Variants in BNC2 observed in about 807,000 individuals in gnomAD.
BNC2 encodes basonuclin zinc finger protein 2.
A neutral mutation model predicts 76.3 loss-of-function variants in BNC2; 20 were observed. The ratio of observed to expected loss-of-function variants is 0.26; its 90% confidence interval spans 0.18 to 0.38. The LOEUF (loss-of-function observed/expected upper bound fraction) is 0.38, where lower values mean the gene tolerates loss of function less well. Among genes scored for constraint, BNC2 ranks in the 10% least tolerant of loss-of-function variants. BNC2 has a pLI of 1.00. For synonymous variants in BNC2, 582 were observed against 514.8 expected, an observed-to-expected ratio of 1.13 and a Z score of -1.77; for missense variants, 1,382 against 1,399.8, an observed-to-expected ratio of 0.99 and a Z score of 0.20.
chr9:16,736,987 G>A lies in BNC2; in HGVS notation c.129+1373C>T, dbSNP rs181993310. Among the ~76,000 whole-genome samples the A allele has an allele frequency of 5.2e-3, 777 of 150,798 alleles. 12 individuals are homozygous for A. Among genetic ancestry groups the A allele is most frequent in the African/African-American group, 0.018 (727 of 41,018 alleles). ...ATGCCCGGCTAATTTTGTATTTTTA[G>A]TAGAGACAGGGTTTCTCCATGTTGG... On this transcript the variant is annotated intron_variant, in intron 2 of 6. Coordinates refer to ENST00000380672, the MANE Select transcript of BNC2 (RefSeq NM_017637.6).
At chr9:16,748,606 G>A (rs957003474) in intron 1 of BNC2, among the ~76,000 whole-genome samples, 3 of 152,014 alleles carry the variant, frequency 2.0e-5, no homozygotes, top group Admixed American at 6.6e-5. Context: ...ACTGTGGGAG[G>A]CCAAGGTGGG....
At chr9:16,669,197 T>TC (rs1280483730) in intron 3 of BNC2, among the ~76,000 whole-genome samples, 1 of 152,184 alleles carries the variant, frequency 6.6e-6, no homozygotes, top group East Asian at 1.9e-4. Context: ...CCTGAGAATA[T>TC]AATGGAAAGC....
intron 3 of BNC2, among the ~76,000 whole-genome samples, chr9:16,688,573 A>G (rs1823048583): frequency 6.6e-6 from 1 of 152,230 alleles, no homozygotes; most frequent in Admixed American, 6.5e-5. Flanking sequence ...ACTATATAGT[A>G]CAAAGTTCTA....
At chr9:16,732,162 A>AAAAAGAAAAAAAAG (rs1554718910) in intron 2 of BNC2, among the ~76,000 whole-genome samples, 1 of 123,588 alleles carries the variant, frequency 8.1e-6, no homozygotes, top group African/African-American at 2.9e-5. Context: ...TCCTGCAAAA[A>AAAAAGAAAAAAAAG]AAAAAGAAAA....
chr9:16,689,118 CCA>C (rs60237205), intron 3 of BNC2, among the ~76,000 whole-genome samples: 80,761 of 135,148 alleles, frequency 0.6, 27,774 homozygotes, highest in Non-Finnish European at 0.79. Context: ...ACACACATAA[CCA>C]CACACACACA....
At chr9:16,569,482 T>A (rs10123554) in intron 4 of BNC2, among the ~76,000 whole-genome samples, 5,235 of 152,106 alleles carry the variant, frequency 0.034, 294 homozygotes, top group African/African-American at 0.12. Flanking sequence ...ATACAGCCAA[T>A]ATTTCAAACT....
At chr9:16,420,725 A>T (rs1174679377) in intron 6 of BNC2, among the ~76,000 whole-genome samples, 2 of 151,982 alleles carry the variant, frequency 1.3e-5, no homozygotes, top group African/African-American at 4.8e-5. Context: ...ATATAAAGAC[A>T]GGATTTGTCC....
intron 1 of BNC2, among the ~76,000 whole-genome samples, chr9:16,799,581 T>G (rs1251325080): frequency 6.6e-6 from 1 of 152,086 alleles, no homozygotes; most frequent in Non-Finnish European, 1.5e-5. Flanking sequence ...TCAGAAAGCA[T>G]TTACTTTCTT....
intron 3 of BNC2, among the ~76,000 whole-genome samples, chr9:16,635,107 T>C (rs1448434702): frequency 6.6e-6 from 1 of 152,192 alleles, no homozygotes; most frequent in Non-Finnish European, 1.5e-5. Context: ...TCTCTTGCAG[T>C]CTTAGCTGCA....
At chr9:16,440,527 C>T (rs1821104998) in intron 5 of BNC2, among the ~76,000 whole-genome samples, 1 of 152,180 alleles carries the variant, frequency 6.6e-6, no homozygotes, top group Non-Finnish European at 1.5e-5. Flanking sequence ...TCCAAGGTAG[C>T]CTGTACCTAA....
chr9:16,868,851 C>G (rs757777219), intron 1 of BNC2, among the ~76,000 whole-genome samples: 5 of 151,926 alleles, frequency 3.3e-5, no homozygotes, highest in Non-Finnish European at 7.3e-5. Flanking sequence ...TGTACAAGGT[C>G]TCACTACTAG....
chr9:16,663,338 G>A (rs1040215516), intron 3 of BNC2, among the ~76,000 whole-genome samples: 2 of 151,718 alleles, frequency 1.3e-5, no homozygotes, highest in Non-Finnish European at 1.5e-5. Flanking sequence ...TCACCATCTT[G>A]GGGCTCGTCT....
In BNC2 at chr9:16,816,144, C is replaced by T. The variant is rs115971533; in HGVS notation, c.3+54502G>A. 4.0e-3 allele frequency among the ~76,000 whole-genome samples: 611 copies of T among 152,126 alleles called. 6 individuals carry two copies. The highest frequency in any genetic ancestry group is 0.014 in the African/African-American group (591 of 41,506). On this transcript the variant is annotated intron_variant, in intron 1 of 6. Transcript: ENST00000380672. ...GGTAGCAGAGCTGCATAAATTTTGC[C>T]TGAGGTTAAAGCTGGAGTAAAGCCT... is the stretch of plus-strand genomic sequence containing the variant.
At chr9:16,701,219 T>C (rs1823502369) in intron 3 of BNC2, among the ~76,000 whole-genome samples, 1 of 152,230 alleles carries the variant, frequency 6.6e-6, no homozygotes, top group Non-Finnish European at 1.5e-5. Flanking sequence ...GACTTCCTCA[T>C]AAAATTTAAT....
At position 16,410,547 on chromosome 9, in the gene BNC2, A is replaced by G. The variant is rs1820438074; in HGVS notation, c.*8442T>C. The G allele has an allele frequency of 6.6e-6, 1 of 152,634 alleles. No individual in the cohort carries two copies. Among genetic ancestry groups the G allele is most frequent in the Non-Finnish European group, 1.5e-5 (1 of 68,038 alleles). The allele number at this position is 152,634 out of a possible 1,614,324, so 9.5% of individuals were successfully genotyped here. A position where few individuals can be genotyped will look rare whatever the true frequency, so the allele number is the denominator to read the frequency against. ...GCACAGGAAAGCAAATGCACCATAT[A>G]CTAGAAATCTTAGATAGTCTTATCA... On this transcript the variant is annotated 3_prime_UTR_variant, in exon 7 of 7. Coordinates refer to ENST00000380672, the MANE Select transcript of BNC2 (RefSeq NM_017637.6).
rs553920069 is a variant in BNC2 at position 16,844,462 on chromosome 9, A to AGAGTAG, written c.3+26178_3+26183dup. The stretch of plus-strand genomic sequence containing the variant: ...GTGGTAATTCTAGGGATGGGGAGCA[A>AGAGTAG]GAGTAGTATTTTTACGAATATTTTT... On this transcript the variant is annotated intron_variant, in intron 1 of 6. Coordinates refer to ENST00000380672, the MANE Select transcript of BNC2 (RefSeq NM_017637.6). 4.5e-3 allele frequency among the ~76,000 whole-genome samples: 685 copies of AGAGTAG among 150,558 alleles called. 5 individuals are homozygous for AGAGTAG. Among genetic ancestry groups the AGAGTAG allele is most frequent in the Non-Finnish European group, 7.2e-3 (484 of 67,678 alleles).
rs1321584770 is a variant in BNC2 at position 16,420,817 on chromosome 9, C to A, written c.2640-1168G>T. Among the ~76,000 whole-genome samples the A allele has an allele frequency of 3.3e-5, 5 of 151,980 alleles. No homozygotes were observed. The East Asian group carries it at 9.6e-4, about 29-fold the overall frequency. On this transcript the variant is annotated intron_variant, in intron 6 of 6. Coordinates refer to ENST00000380672, the MANE Select transcript of BNC2 (RefSeq NM_017637.6). ...GGAAACATTGTCTTTGTATTTATAT[C>A]CCCCATTATTTTTAAAGTGCCCTTG... is the stretch of plus-strand genomic sequence containing the variant.
At chr9:16,854,930 G>A (rs1323173047) in intron 1 of BNC2, among the ~76,000 whole-genome samples, 2 of 151,900 alleles carry the variant, frequency 1.3e-5, no homozygotes, top group African/African-American at 4.8e-5. Flanking sequence ...TTCTCTATAG[G>A]AGGAGAAGAC....
At chr9:16,804,873 C>A (rs1023088251) in intron 1 of BNC2, among the ~76,000 whole-genome samples, 1 of 151,922 alleles carries the variant, frequency 6.6e-6, no homozygotes, top group Admixed American at 6.6e-5. Context: ...ACCAGCCTGG[C>A]CAATACAGTG....
Sources: gnomAD v4.1 joint callset for allele counts (sites outside exome capture counted in the v4.1 genomes callset) on GRCh38, gnomAD v4.1.1 for gene constraint, MANE v1.5 for transcripts, NCBI Gene and HGNC (gene_info 2026-07-23, HGNC 2026-07-21) for gene names.